The following TMEM132B variants were observed in gnomAD, a reference collection of about 807,000 sequenced individuals.
TMEM132B encodes the protein transmembrane protein 132B.
Under a neutral mutation model 90.8 loss-of-function variants are expected in TMEM132B, and 18 were observed. The ratio of observed to expected loss-of-function variants is 0.20; its 90% confidence interval spans 0.14 to 0.29. The LOEUF (loss-of-function observed/expected upper bound fraction) is 0.29, where lower values mean the gene tolerates loss of function less well. Among genes scored for constraint, TMEM132B ranks in the 10% least tolerant of loss-of-function variants. TMEM132B has a pLI of 1.00. For missense variants in TMEM132B, 1,096 were observed against 1,326.8 expected (o/e 0.83, Z 2.70); for synonymous variants, 504 against 523.3 (o/e 0.96, Z 0.50).
intron 2 of TMEM132B, among the ~76,000 whole-genome samples, chr12:125,396,084 C>T (rs2136311355): frequency 6.6e-6 from 1 of 152,296 alleles, no homozygotes; most frequent in Non-Finnish European, 1.5e-5. Context: ...TCCCTGAAAC[C>T]AACAGTGGAG....
intron 1 of TMEM132B, chr12:125,326,683 G>A (rs768041417): frequency 1.9e-6 from 3 of 1,604,538 alleles, no homozygotes; most frequent in Non-Finnish European, 2.5e-6. Flanking sequence ...GAGGTCGGAA[G>A]GAAGGGAATG....
In TMEM132B at chr12:125,654,395, G is replaced by C; in HGVS notation, c.2937G>C (p.Arg979Ser). 1 of 1,613,172 alleles carries C rather than the reference G, an allele frequency of 6.2e-7. No individual in the cohort carries two copies. Among genetic ancestry groups the C allele is most frequent in the Non-Finnish European group, 8.5e-7 (1 of 1,180,016 alleles). Residue 979 changes from arginine to serine, a missense_variant, in exon 9 of 9, where the codon AGG (arginine) becomes AGC (serine). Coordinates refer to ENST00000682704, the MANE Select transcript of TMEM132B (RefSeq NM_001366854.1). The surrounding 1 kb of genome is among the most constrained non-coding windows in gnomAD (Gnocchi z 5.8). The part of the protein sequence containing the change: ...PSEECTTMID[R>S]GLQFEERNFL... ...AGGAGTGCACAACCATGATAGACAG[G>C]GGCCTGCAGTTCGAGGAGAGGAACT...
intron 5 of TMEM132B, 29 bp from the exon 6 acceptor site, chr12:125,644,047 C>T (rs1886696595): frequency 1.3e-6 from 2 of 1,591,014 alleles, no homozygotes; most frequent in Admixed American, 3.3e-5. Flanking sequence ...CCTACTGATG[C>T]ATCTCAAGGT....
chr12:125,267,622 AG>A lies in TMEM132B; in HGVS notation c.67+80757del, dbSNP rs562779389. Among the ~76,000 whole-genome samples the A allele has an allele frequency of 9.8e-5, 15 of 152,318 alleles. No homozygotes were observed. The South Asian group carries it at 3.1e-3, about 32-fold the overall frequency. On this transcript the variant is annotated intron_variant, in intron 1 of 8. Coordinates refer to ENST00000682704, the MANE Select transcript of TMEM132B (RefSeq NM_001366854.1). ...CAGAAACACTGCAGTTGGGATGATA[AG>A]AGGTAACTGAAACTCGCACTCATGG...
chr12:125,396,724 C>G (rs1206622593), intron 2 of TMEM132B, among the ~76,000 whole-genome samples: 2 of 152,066 alleles, frequency 1.3e-5, no homozygotes, highest in African/African-American at 4.8e-5. Context: ...CCAGGCTGGT[C>G]TCAAACTCTT....
At chr12:125,482,303 C>G (rs974405672) in intron 3 of TMEM132B, among the ~76,000 whole-genome samples, 5 of 152,190 alleles carry the variant, frequency 3.3e-5, no homozygotes, top group South Asian at 4.1e-4. Flanking sequence ...AAACTACCAT[C>G]AGAGTGAACA....
chr12:125,332,701 G>T (rs1379918729), intron 1 of TMEM132B, among the ~76,000 whole-genome samples: 3 of 150,154 alleles, frequency 2.0e-5, no homozygotes, highest in Non-Finnish European at 4.4e-5. Flanking sequence ...GATGTTGAAG[G>T]CGTCTGAGGT....
chr12:125,331,570 C>A (rs1876773924), intron 1 of TMEM132B, among the ~76,000 whole-genome samples: 1 of 152,114 alleles, frequency 6.6e-6, no homozygotes, highest in African/African-American at 2.4e-5. Flanking sequence ...AGTCTCTTCC[C>A]CAAGCTGAGG....
intron 1 of TMEM132B, among the ~76,000 whole-genome samples, chr12:125,224,905 AAC>A (rs983301282): frequency 6.6e-6 from 1 of 152,172 alleles, no homozygotes; most frequent in African/African-American, 2.4e-5. Flanking sequence ...TAAACATGCA[AAC>A]ACACACACAC....
At chr12:125,270,153 A>G (rs1874801322) in intron 1 of TMEM132B, among the ~76,000 whole-genome samples, 1 of 79,700 alleles carries the variant, frequency 1.3e-5, no homozygotes, top group African/African-American at 5.4e-5. Flanking sequence ...TGTGTGTTTT[A>G]AGAGACGAGG....
chr12:125,600,773 A>G (rs772372543), intron 5 of TMEM132B, among the ~76,000 whole-genome samples: 29 of 152,188 alleles, frequency 1.9e-4, no homozygotes, highest in Middle Eastern at 3.2e-3. Context: ...ATGGAGGAAA[A>G]TTTACCAAGC....
intron 1 of TMEM132B, among the ~76,000 whole-genome samples, chr12:125,331,647 C>A (rs1876776503): frequency 6.6e-6 from 1 of 152,204 alleles, no homozygotes. Flanking sequence ...CACTCTGGGG[C>A]CCACTCTTGG....
chr12:125,538,971 G>T (rs1040636054), intron 4 of TMEM132B, among the ~76,000 whole-genome samples: 1 of 152,088 alleles, frequency 6.6e-6, no homozygotes, highest in Non-Finnish European at 1.5e-5. Context: ...CGTCTCCACT[G>T]CCAGCACCCG....
chr12:125,509,781 CG>C (rs1364730350), intron 3 of TMEM132B, among the ~76,000 whole-genome samples: 2 of 152,042 alleles, frequency 1.3e-5, no homozygotes, highest in African/African-American at 4.8e-5. Context: ...GGTGAAGCTG[CG>C]AATGTTTGCC....
intron 2 of TMEM132B, among the ~76,000 whole-genome samples, chr12:125,383,151 CCT>C (rs1878733006): frequency 6.6e-6 from 1 of 152,144 alleles, no homozygotes; most frequent in Non-Finnish European, 1.5e-5. Flanking sequence ...TAGATAATTG[CCT>C]CTTTGATTTG....
At chr12:125,615,612 C>T (rs1396643249) in intron 5 of TMEM132B, among the ~76,000 whole-genome samples, 1 of 152,096 alleles carries the variant, frequency 6.6e-6, no homozygotes, top group African/African-American at 2.4e-5. Context: ...GGTACATTGT[C>T]ATAGTGCCTT....
intron 1 of TMEM132B, among the ~76,000 whole-genome samples, chr12:125,252,568 C>T (rs1047014133): frequency 3.3e-5 from 5 of 152,214 alleles, no homozygotes; most frequent in Admixed American, 6.5e-5. Flanking sequence ...GCCAACTCCA[C>T]GGGTGGGAAA....
chr12:125,206,489 C>T lies in TMEM132B; in HGVS notation c.67+19623C>T, dbSNP rs185699208. On this transcript the variant is annotated intron_variant, in intron 1 of 8. Transcript: ENST00000682704. ...CTGGTCTCAAGTGATCCACCCACCT[C>T]GGCCTCCCAAAGTGTCGGGATTACA... Among the ~76,000 whole-genome samples, 777 of 152,234 alleles carry T rather than the reference C, an allele frequency of 5.1e-3. 3 individuals carry two copies. Among genetic ancestry groups the T allele is most frequent in the Middle Eastern group, 0.017 (5 of 294 alleles).
intron 3 of TMEM132B, among the ~76,000 whole-genome samples, chr12:125,449,430 A>G (rs1881091874): frequency 1.3e-5 from 2 of 152,104 alleles, no homozygotes; most frequent in Non-Finnish European, 2.9e-5. Context: ...CTGTAATACT[A>G]TTTTATTCCT....
Sources: gnomAD v4.1 joint callset for allele counts (sites outside exome capture counted in the v4.1 genomes callset) on GRCh38, gnomAD v4.1.1 for gene constraint, Gnocchi (gnomAD v3.1) non-coding constraint, MANE v1.5 for transcripts, NCBI Gene and HGNC (gene_info 2026-07-23, HGNC 2026-07-21) for gene names.